The following TSC1 variants were observed in gnomAD, a reference collection of about 807,000 sequenced individuals.
The protein encoded by TSC1 is hamartin.
TSC1 carries 20 observed loss-of-function variants against 124.3 expected under a neutral mutation model. The ratio of observed to expected loss-of-function variants is 0.16; its 90% CI spans 0.11 to 0.23. TSC1 has a LOEUF of 0.23. Ranked by LOEUF, TSC1 falls within the 10% of genes least tolerant of loss-of-function variation. TSC1 has a pLI of 1.00. For missense variants in TSC1, 1,124 were observed against 1,448.5 expected, an observed-to-expected ratio of 0.78 and a Z score of 3.64; for synonymous variants, 493 against 539.1, an observed-to-expected ratio of 0.91 and a Z score of 1.19.
At chr9:132,938,677 C>T (rs1463890648) in intron 1 of TSC1, among the ~76,000 whole-genome samples, 4 of 152,142 alleles carry the variant, frequency 2.6e-5, no homozygotes, top group East Asian at 3.8e-4. Context: ...AGGACCCGTA[C>T]GCCATTTTTT....
At chr9:132,925,455 T>G in intron 5 of TSC1, 132 bp downstream of exon 5, 7 of 1,100,476 alleles carry the variant, frequency 6.4e-6, no homozygotes, top group Non-Finnish European at 9.3e-6. Flanking sequence ...ACATTCTATT[T>G]GAGAAAAGCC....
In TSC1 at chr9:132,928,962, A is replaced by G. The variant is rs886063625; in HGVS notation, c.-80-10T>C. The G allele has an allele frequency of 3.8e-6, 6 of 1,585,408 alleles. No homozygotes were observed. The highest frequency in any genetic ancestry group is 5.1e-6 in the Non-Finnish European group (6 of 1,166,786). ...TGGGGCCACTACCAAACTGAGAAAA[A>G]GGAAGATGAACAGTCACTAAATGGC... On this transcript the variant is annotated splice_polypyrimidine_tract_variant and intron_variant, in intron 2 of 22. Coordinates refer to ENST00000298552, the MANE Select transcript of TSC1 (RefSeq NM_000368.5).
Position 132,895,193 on chromosome 9 carries a change from G to A in TSC1, c.*1042C>T. ...CCTGCTACAGTGAGGCAACCCTAAT[G>A]GCCTGGGAAATGATGGTCACATACA... is the stretch of plus-strand genomic sequence containing the variant. On this transcript the variant is annotated 3_prime_UTR_variant, in exon 23 of 23. Coordinates refer to ENST00000298552, the MANE Select transcript of TSC1 (RefSeq NM_000368.5). 4.3e-6 allele frequency: 1 copy of A among 233,228 alleles called. No individual in the cohort carries two copies. Among genetic ancestry groups the A allele is most frequent in the Non-Finnish European group, 8.5e-6 (1 of 117,758 alleles). 14.4% of individuals were successfully genotyped at this position (233,228 alleles called of 1,614,324 possible). A position where few individuals can be genotyped will look rare whatever the true frequency, so the allele number is the denominator to read the frequency against.
At position 132,897,440 on chromosome 9, in the gene TSC1, A is replaced by C. The variant is rs766871150; in HGVS notation, c.2796T>G (p.Asp932Glu). Residue 932 changes from aspartate to glutamate, a missense_variant, in exon 21 of 23, where the codon GAT becomes GAG. Physicochemically the swap from Asp to Glu is conservative, Grantham distance 45. This residue lies in a region of TSC1 where 325 missense variants were observed against 383.4 expected (regional missense o/e 0.85). Coordinates refer to ENST00000298552, the MANE Select transcript of TSC1 (RefSeq NM_000368.5). The part of the protein sequence containing the change: ...LLLEQKKYLE[D>E]VKLQARGQLQ... Reference sequence around the variant, plus strand: ...AAAGTTACCTTGCCTGGAGTTTGACATCCTCTAGATATTTCTTCTGTTCCA... The same window carrying C: ...AAAGTTACCTTGCCTGGAGTTTGACCTCCTCTAGATATTTCTTCTGTTCCA... The C allele has an allele frequency of 1.2e-6, 2 of 1,614,186 alleles. No individual in the cohort carries two copies. The highest frequency in any genetic ancestry group is 1.7e-6 in the Non-Finnish European group (2 of 1,180,034).
At chr9:132,899,185 C>G (rs1246605204) in intron 20 of TSC1, 1 of 152,288 alleles carries the variant, frequency 6.6e-6, no homozygotes, top group African/African-American at 2.4e-5. Flanking sequence ...CTCGGCCTAC[C>G]AAAGTGCTGG....
chr9:132,901,997 T>G (rs1459053501), intron 18 of TSC1: 1 of 351,802 alleles, frequency 2.8e-6, no homozygotes, highest in Admixed American at 4.5e-5. Flanking sequence ...ATTCTGAATT[T>G]TCGAGGGAGA....
chr9:132,899,998 T>TA (rs1224645460), intron 20 of TSC1: 1 of 152,340 alleles, frequency 6.6e-6, no homozygotes, highest in African/African-American at 2.4e-5. Context: ...AGCCAAGAAA[T>TA]AAAGAGTAAC....
rs1057523691 is a variant in TSC1, at chr9:132,903,634, C to T, written c.2208+17G>A. On this transcript the variant is annotated intron_variant, in intron 17 of 22. Transcript: ENST00000298552. The surrounding 1 kb of genome is among the most constrained non-coding windows in gnomAD (Gnocchi z 5.9). Reference sequence around the variant, plus strand: ...AAACAAAAAGCAAGCTCCACCTGTCCCCTCCCCAGTCCTCACCATGGCAGC... The same window carrying T: ...AAACAAAAAGCAAGCTCCACCTGTCTCCTCCCCAGTCCTCACCATGGCAGC... 2.5e-6 allele frequency: 4 copies of T among 1,611,990 alleles called. No individual in the cohort carries two copies. Among genetic ancestry groups the T allele is most frequent in the South Asian group, 1.1e-5 (1 of 90,988 alleles).
rs140544652 is a variant in TSC1, at chr9:132,912,345, G to A, written c.850C>T (p.Arg284Cys). ...GYSVSHQISA[R>C]FPHRSADVTT... ...ACATCGGCTGAACGATGAGGAAAGC[G>A]GGCTGAGATTTGGTGAGACACAGAA... Residue 284 changes from arginine to cysteine, a missense_variant, in exon 9 of 23, where the codon CGC becomes TGC. Arg to Cys is a radical substitution (Grantham distance 180). Around this residue, in one of 5 missense-constraint regions of TSC1, gnomAD observed 463 missense variants for 606.8 expected, o/e 0.76. Coordinates refer to ENST00000298552, the MANE Select transcript of TSC1 (RefSeq NM_000368.5). 9.9e-6 allele frequency: 16 copies of A among 1,614,052 alleles called. No homozygotes were observed. Among genetic ancestry groups the A allele is most frequent in the African/African-American group, 2.7e-5 (2 of 74,908 alleles).
At chr9:132,907,899 G>A (rs1310003669) in intron 12 of TSC1, among the ~76,000 whole-genome samples, 1 of 152,196 alleles carries the variant, frequency 6.6e-6, no homozygotes, top group Non-Finnish European at 1.5e-5. Context: ...CTAGCCTGGG[G>A]AACATGGCAA....
chr9:132,918,373 C>A (rs1446360106), intron 8 of TSC1, among the ~76,000 whole-genome samples: 1 of 152,164 alleles, frequency 6.6e-6, no homozygotes, highest in African/African-American at 2.4e-5. Flanking sequence ...AGGAGATGAG[C>A]AGCAGGTAGA....
intron 12 of TSC1, among the ~76,000 whole-genome samples, chr9:132,908,693 C>T (rs1482878658): frequency 6.6e-6 from 1 of 151,648 alleles, no homozygotes; most frequent in African/African-American, 2.4e-5. Context: ...AGCAATCTAC[C>T]TCCCTTGGAC....
chr9:132,914,459 G>A (rs1846156739), intron 8 of TSC1, among the ~76,000 whole-genome samples: 1 of 152,024 alleles, frequency 6.6e-6, no homozygotes, highest in South Asian at 2.1e-4. Context: ...GGAACTTTTG[G>A]GATGATGGAA....
At chr9:132,934,489 G>A (rs1044343275) in intron 2 of TSC1, 4 of 152,260 alleles carry the variant, frequency 2.6e-5, no homozygotes, top group African/African-American at 9.6e-5. Flanking sequence ...CTCAGCCCAG[G>A]ATGTACATCA....
chr9:132,894,214 G>A lies in TSC1; in HGVS notation c.*2021C>T, dbSNP rs577527391. 37 of 232,912 alleles carry A rather than the reference G, an allele frequency of 1.6e-4. No homozygotes were observed. The highest frequency in any genetic ancestry group is 2.6e-3 in the Middle Eastern group (2 of 780). The allele number at this position is 232,912 out of a possible 1,614,324, so 14.4% of individuals were successfully genotyped here. A position where few individuals can be genotyped will look rare whatever the true frequency, so the allele number is the denominator to read the frequency against. The stretch of plus-strand genomic sequence containing the variant: ...TTCCCTTTATTTTTATAAGCTGTCC[G>A]TTTCTAAAATGTTTTTTCTTTTGCA... On this transcript the variant is annotated 3_prime_UTR_variant, in exon 23 of 23. Coordinates refer to ENST00000298552, the MANE Select transcript of TSC1 (RefSeq NM_000368.5).
intron 1 of TSC1, among the ~76,000 whole-genome samples, chr9:132,938,545 C>G (rs1251520844): frequency 6.6e-6 from 1 of 152,202 alleles, no homozygotes; most frequent in Non-Finnish European, 1.5e-5. Flanking sequence ...GCACATAGAT[C>G]AATCTGTTTT....
chr9:132,905,575 C>G lies in TSC1; in HGVS notation c.1997+6G>C, dbSNP rs553762962. The G allele has an allele frequency of 1.2e-6, 2 of 1,613,836 alleles. No homozygotes were observed. The highest frequency in any genetic ancestry group is 2.7e-5 in the African/African-American group (2 of 75,032). ...TAACACAGAAGAGAGTGCCCCAGTC[C>G]CTTACTTGTTCAGCTCCTTGCTGTG... On this transcript the variant is annotated splice_donor_region_variant and intron_variant, in intron 15 of 22. Transcript: ENST00000298552.
In TSC1 at chr9:132,921,344, T is replaced by G. The variant is rs1162425973; in HGVS notation, c.737+19A>C. 6.2e-7 allele frequency: 1 copy of G among 1,613,470 alleles called. No homozygotes were observed. Among genetic ancestry groups the G allele is most frequent in the African/African-American group, 1.3e-5 (1 of 75,032 alleles). On this transcript the variant is annotated intron_variant, in intron 8 of 22. Transcript: ENST00000298552. This position sits in a 1 kb window ranked among gnomAD's most constrained non-coding sequence, Gnocchi z 4.3. ...ATCTCTCGAAAGATTCTTTAAAATTTTGACACTAGTTTCTATACCTTCGAG... is the reference window on the plus strand; with the variant it reads ...ATCTCTCGAAAGATTCTTTAAAATTGTGACACTAGTTTCTATACCTTCGAG...
rs1051796492 is a variant in TSC1 at position 132,892,878 on chromosome 9, C to A, written c.*3357G>T. The A allele has an allele frequency of 4.3e-6, 1 of 233,316 alleles. No homozygotes were observed. The highest frequency in any genetic ancestry group is 8.5e-6 in the Non-Finnish European group (1 of 118,084). The allele number at this position is 233,316 out of a possible 1,614,324, so 14.5% of individuals were successfully genotyped here. ...CCATGACCATTTTATACATCCTCCC[C>A]TCAACAACTGCTAGAGTTTTATCTT... On this transcript the variant is annotated 3_prime_UTR_variant, in exon 23 of 23. Coordinates refer to ENST00000298552, the MANE Select transcript of TSC1 (RefSeq NM_000368.5).
Sources: gnomAD v4.1 joint callset for allele counts (sites outside exome capture counted in the v4.1 genomes callset) on GRCh38, gnomAD v4.1.1 for gene constraint, gnomAD v4.1.1 regional missense constraint, Gnocchi (gnomAD v3.1) non-coding constraint, MANE v1.5 for transcripts, NCBI Gene and HGNC (gene_info 2026-07-23, HGNC 2026-07-21) for gene names.